FSTL4: variants seen among roughly 807,000 people sequenced by gnomAD.
FSTL4 encodes the protein follistatin like 4.
In FSTL4, 28 loss-of-function variants were observed where a neutral mutation model predicts 78.2. The observed-to-expected ratio is 0.36, with a 90% CI of 0.27 to 0.49. The LOEUF is 0.49. Among genes scored for constraint, FSTL4 ranks in the 20% least tolerant of loss-of-function variants. The probability of loss-of-function intolerance (pLI) is 0.98; values close to 1 mark genes in which losing one functional copy is unlikely to be tolerated. For missense variants in FSTL4, 922 were observed against 1,084.9 expected, an observed-to-expected ratio of 0.85 and a Z score of 2.11; for synonymous variants, 422 against 440.5, an observed-to-expected ratio of 0.96 and a Z score of 0.53.
chr5:133,803,318 G>A, the FSTL4 span, among the ~76,000 whole-genome samples: 1 of 152,194 alleles, frequency 6.6e-6, no homozygotes, highest in South Asian at 2.1e-4. Context: ...TCCATGCCAA[G>A]TGTCTAAGGT....
intron 6 of FSTL4, among the ~76,000 whole-genome samples, chr5:133,307,205 G>A (rs1753676903): frequency 1.3e-5 from 2 of 152,180 alleles, no homozygotes; most frequent in South Asian, 4.2e-4. Flanking sequence ...CCACAGCCTT[G>A]TTAACCCAGG....
chr5:133,465,343 T>C lies in FSTL4; in HGVS notation c.161-64357A>G, dbSNP rs185273589. Among the ~76,000 whole-genome samples the C allele has an allele frequency of 2.6e-5, 4 of 152,358 alleles. No homozygotes were observed. The East Asian group carries it at 7.7e-4, about 29-fold the overall frequency. ...TGATTTAACCCATATTAGTCTCCTC[T>C]GAGCTCCTCTCATCCGTAAGACCGT... On this transcript the variant is annotated intron_variant, in intron 3 of 15. Coordinates refer to ENST00000265342, the MANE Select transcript of FSTL4 (RefSeq NM_015082.2).
chr5:133,638,414 G>T, the FSTL4 span, among the ~76,000 whole-genome samples: 1 of 152,114 alleles, frequency 6.6e-6, no homozygotes, highest in South Asian at 2.1e-4. Flanking sequence ...GTCCTCGCAG[G>T]CCCCATGCAA....
the FSTL4 span, among the ~76,000 whole-genome samples, chr5:133,820,419 A>C: frequency 6.6e-6 from 1 of 152,138 alleles, no homozygotes; most frequent in Admixed American, 6.5e-5. Flanking sequence ...TCCTGGTTAC[A>C]ACATTGTTTT....
At chr5:133,442,088 A>T (rs2127003739) in intron 3 of FSTL4, among the ~76,000 whole-genome samples, 1 of 152,358 alleles carries the variant, frequency 6.6e-6, no homozygotes, top group Non-Finnish European at 1.5e-5. Context: ...AGGCAGGGCC[A>T]CACAGCATCC....
At chr5:133,826,608 T>C in the FSTL4 span, among the ~76,000 whole-genome samples, 2 of 152,188 alleles carry the variant, frequency 1.3e-5, 1 homozygote, top group South Asian at 4.1e-4. Context: ...CCCGTTGGCC[T>C]TTCTCCTACA....
chr5:133,350,586 T>C (rs146636873), intron 4 of FSTL4, among the ~76,000 whole-genome samples: 67 of 152,358 alleles, frequency 4.4e-4, no homozygotes, highest in Middle Eastern at 3.4e-3. Flanking sequence ...TTAAATTTTC[T>C]GTAACAGGTA....
intron 3 of FSTL4, among the ~76,000 whole-genome samples, chr5:133,524,342 G>C (rs1046258411): frequency 6.6e-6 from 1 of 152,150 alleles, no homozygotes; most frequent in African/African-American, 2.4e-5. Context: ...CATGACTGTG[G>C]GTTTTCCAAG....
the FSTL4 span, among the ~76,000 whole-genome samples, chr5:133,718,925 T>C: frequency 6.6e-6 from 1 of 152,260 alleles, no homozygotes; most frequent in African/African-American, 2.4e-5. Flanking sequence ...ATAAGCAACA[T>C]ATATTCTACA....
chr5:133,619,500 G>A, the FSTL4 span, among the ~76,000 whole-genome samples: 30 of 152,170 alleles, frequency 2.0e-4, no homozygotes, highest in Non-Finnish European at 4.3e-4. Context: ...CAGCATGGGA[G>A]GCAAATGCTA....
At chr5:133,467,218 G>A (rs1757733007) in intron 3 of FSTL4, among the ~76,000 whole-genome samples, 2 of 151,442 alleles carry the variant, frequency 1.3e-5, no homozygotes, top group Admixed American at 1.3e-4. Context: ...GTGAGTATAT[G>A]AGGGTGTATA....
intron 2 of FSTL4, among the ~76,000 whole-genome samples, chr5:133,594,994 A>G (rs1210848685): frequency 6.6e-6 from 1 of 152,188 alleles, no homozygotes; most frequent in Non-Finnish European, 1.5e-5. Flanking sequence ...CCTACCCCGG[A>G]GCCACAGACT....
chr5:133,367,250 T>C (rs905216552), intron 4 of FSTL4, among the ~76,000 whole-genome samples: 1 of 152,192 alleles, frequency 6.6e-6, no homozygotes, highest in African/African-American at 2.4e-5. Context: ...CAGCCAGTAA[T>C]CCCTGTTCCA....
chr5:133,607,583 C>G (rs1054320604), intron 1 of FSTL4, among the ~76,000 whole-genome samples: 1 of 152,216 alleles, frequency 6.6e-6, no homozygotes, highest in African/African-American at 2.4e-5. Flanking sequence ...CACGTAGACC[C>G]ACGACATCTA....
At chr5:133,789,156 A>G in the FSTL4 span, among the ~76,000 whole-genome samples, 1 of 152,172 alleles carries the variant, frequency 6.6e-6, no homozygotes, top group Non-Finnish European at 1.5e-5. Context: ...CAGTGATTCA[A>G]ATGGAGCCAG....
Position 133,419,109 on chromosome 5 carries a change from A to G in FSTL4, c.161-18123T>C, listed in dbSNP as rs138455204. On this transcript the variant is annotated intron_variant, in intron 3 of 15. Transcript: ENST00000265342. ...TCATTAAAGTTTGCCATGTGTCAAT[A>G]GTTCATTCCTTTTTTTATTTTTTAT... Among the ~76,000 whole-genome samples the G allele has an allele frequency of 5.2e-3, 788 of 152,264 alleles. 7 individuals carry two copies. Among genetic ancestry groups the G allele is most frequent in the African/African-American group, 0.017 (717 of 41,546 alleles).
At chr5:133,827,005 G>A in the FSTL4 span, among the ~76,000 whole-genome samples, 19 of 152,196 alleles carry the variant, frequency 1.2e-4, no homozygotes, top group African/African-American at 2.9e-4. Context: ...CCAATGGCAC[G>A]CCCAGTGACA....
At chr5:133,684,982 A>G in the FSTL4 span, among the ~76,000 whole-genome samples, 8 of 152,364 alleles carry the variant, frequency 5.3e-5, no homozygotes, top group South Asian at 1.7e-3. Flanking sequence ...ACTTTAGTCT[A>G]CACCCAGAGG....
intron 3 of FSTL4, among the ~76,000 whole-genome samples, chr5:133,530,277 C>A (rs1215919092): frequency 6.6e-6 from 1 of 152,162 alleles, no homozygotes; most frequent in Non-Finnish European, 1.5e-5. Flanking sequence ...AAGAGCACTG[C>A]GGCCCTGGAT....
Sources: allele counts gnomAD v4.1 joint callset (sites outside exome capture counted in the v4.1 genomes callset), GRCh38; gene constraint gnomAD v4.1.1; transcripts MANE v1.5; gene names NCBI Gene and HGNC (gene_info 2026-07-23, HGNC 2026-07-21).